The following ZNF860 variants were observed in gnomAD, a reference collection of about 807,000 sequenced individuals.
ZNF860 encodes zinc finger protein 860.
For synonymous variants in ZNF860, 206 were observed against 248.9 expected, an observed-to-expected ratio of 0.83 and a Z score of 1.62; for missense variants, 641 against 759.2, an observed-to-expected ratio of 0.84 and a Z score of 1.83.
In ZNF860 at chr3:31,991,703, C is replaced by A. The variant is rs1437661396; in HGVS notation, c.*725C>A. On this transcript the variant is annotated 3_prime_UTR_variant, in exon 2 of 2. Transcript: ENST00000360311. ...TCTACAAACAAATACAATTTTACTT[C>A]TTTCTTTCTGAAAAAAAAAATGGAT... 1.3e-5 allele frequency: 2 copies of A among 159,786 alleles called. No individual in the cohort carries two copies. The highest frequency in any genetic ancestry group is 2.1e-4 in the South Asian group (1 of 4,802). 9.9% of individuals were successfully genotyped at this position (159,786 alleles called of 1,614,324 possible).
At chr3:32,005,458 C>T in the ZNF860 span, among the ~76,000 whole-genome samples, 3 of 144,724 alleles carry the variant, frequency 2.1e-5, no homozygotes, top group Non-Finnish European at 4.6e-5. Context: ...GAGCAAGTTT[C>T]TCTGGAGCAT....
the ZNF860 span, among the ~76,000 whole-genome samples, chr3:31,997,806 G>C: frequency 6.6e-6 from 1 of 151,964 alleles, no homozygotes; most frequent in Non-Finnish European, 1.5e-5. Context: ...TTCTGAGACA[G>C]GGTCTTACTC....
Position 31,991,713 on chromosome 3 carries a change from GAA to G in ZNF860, c.*744_*745del. Reference sequence around the variant, plus strand: ...AATACAATTTTACTTCTTTCTTTCTGAAAAAAAAAATGGATAACTAATACAGA... The same window carrying G: ...AATACAATTTTACTTCTTTCTTTCTGAAAAAAAATGGATAACTAATACAGA... On this transcript the variant is annotated 3_prime_UTR_variant, in exon 2 of 2. Coordinates refer to ENST00000360311, the MANE Select transcript of ZNF860 (RefSeq NM_001137674.3). The G allele has an allele frequency of 6.6e-6, 1 of 152,432 alleles. No individual in the cohort carries two copies. The allele number at this position is 152,432 out of a possible 1,614,324, so 9.4% of individuals were successfully genotyped here. A position where few individuals can be genotyped will look rare whatever the true frequency, so the allele number is the denominator to read the frequency against.
At chr3:31,997,156 CA>C in the ZNF860 span, among the ~76,000 whole-genome samples, 656 of 152,268 alleles carry the variant, frequency 4.3e-3, 4 homozygotes, top group African/African-American at 0.015. Context: ...TTTTAAAAAG[CA>C]TGCCCGATTT....
intron 1 of ZNF860, among the ~76,000 whole-genome samples, chr3:31,982,174 A>G (rs1364572440): frequency 1.3e-5 from 2 of 152,192 alleles, no homozygotes; most frequent in East Asian, 3.8e-4. Flanking sequence ...GAGGCAAGGG[A>G]AATTAACAGA....
At chr3:31,985,655 G>A (rs1173286792) in intron 1 of ZNF860, among the ~76,000 whole-genome samples, 1 of 152,206 alleles carries the variant, frequency 6.6e-6, no homozygotes, top group Non-Finnish European at 1.5e-5. Context: ...TGACAGGAAT[G>A]AAGCTTGGCC....
At chr3:31,983,008 G>T (rs1698880683) in intron 1 of ZNF860, among the ~76,000 whole-genome samples, 1 of 152,214 alleles carries the variant, frequency 6.6e-6, no homozygotes, top group African/African-American at 2.4e-5. Context: ...CAGGAGAGCA[G>T]CATGTCCCGG....
Position 31,990,267 on chromosome 3 carries a change from A to G in ZNF860, c.1188A>G (p.Lys396=), listed in dbSNP as rs746337103. The G allele has an allele frequency of 6.2e-6, 10 of 1,614,082 alleles. No homozygotes were observed. Among genetic ancestry groups the G allele is most frequent in the South Asian group, 1.1e-5 (1 of 91,072 alleles). Residue 396 remains lysine, a synonymous_variant, in exon 2 of 2, where the codon AAA becomes AAG. Transcript: ENST00000360311. ...IHHQAIHGIG[K]LYKCNDCHKV... is the part of the protein sequence containing the mutation. Reference sequence around the variant, plus strand: ...ATCAAGCAATCCATGGTATAGGGAAACTTTATAAATGTAATGATTGTCACA... The same window carrying G: ...ATCAAGCAATCCATGGTATAGGGAAGCTTTATAAATGTAATGATTGTCACA...
At chr3:32,000,045 G>A in the ZNF860 span, among the ~76,000 whole-genome samples, 1 of 152,142 alleles carries the variant, frequency 6.6e-6, no homozygotes, top group African/African-American at 2.4e-5. Context: ...CAAAAAGTCT[G>A]AGTCTCATGG....
At chr3:31,993,888 CTA>C (rs1699062000), downstream of ZNF860, among the ~76,000 whole-genome samples, 1 of 151,966 alleles carries the variant, frequency 6.6e-6, no homozygotes, top group East Asian at 1.9e-4. Flanking sequence ...TAATGAAAAC[CTA>C]TGTTTGTACA....
Position 31,989,096 on chromosome 3 carries a change from C to T in ZNF860, c.17C>T (p.Ala6Val). 6.2e-7 allele frequency: 1 copy of T among 1,614,020 alleles called. No homozygotes were observed. Among genetic ancestry groups the T allele is most frequent in the Non-Finnish European group, 8.5e-7 (1 of 1,179,918 alleles). MLREE[A>V]AQKRKEKEPG... ...TAAAGACTCATGTTACGTGAGGAAG[C>T]AGCTCAGAAGAGGAAAGAAAAGGAG... Residue 6 changes from alanine to valine, a missense_variant, in exon 2 of 2, where the codon GCA (alanine) becomes GTA (valine). Coordinates refer to ENST00000360311, the MANE Select transcript of ZNF860 (RefSeq NM_001137674.3).
intron 1 of ZNF860, among the ~76,000 whole-genome samples, chr3:31,983,252 A>T (rs1045653068): frequency 6.6e-6 from 1 of 152,232 alleles, no homozygotes; most frequent in African/African-American, 2.4e-5. Context: ...AGGTAGGTGC[A>T]TACTGGACTA....
In ZNF860 at chr3:31,991,480, T is replaced by G. The variant is rs1356634777; in HGVS notation, c.*502T>G. 1 of 167,040 alleles carries G rather than the reference T, an allele frequency of 6.0e-6. No individual in the cohort carries two copies. Among genetic ancestry groups the G allele is most frequent in the Non-Finnish European group, 1.5e-5 (1 of 68,244 alleles). 10.3% of individuals were successfully genotyped at this position (167,040 alleles called of 1,614,324 possible). A position where few individuals can be genotyped will look rare whatever the true frequency, so the allele number is the denominator to read the frequency against. On this transcript the variant is annotated 3_prime_UTR_variant, in exon 2 of 2. Coordinates refer to ENST00000360311, the MANE Select transcript of ZNF860 (RefSeq NM_001137674.3). ...CAAACTTCTCACCTTTTTACGTTTATTCCTAAATATTTCTTACTGTAAGTT... is the reference window on the plus strand; with the variant it reads ...CAAACTTCTCACCTTTTTACGTTTAGTCCTAAATATTTCTTACTGTAAGTT...
At chr3:31,999,014 A>G in the ZNF860 span, among the ~76,000 whole-genome samples, 1 of 152,244 alleles carries the variant, frequency 6.6e-6, no homozygotes, top group Non-Finnish European at 1.5e-5. Context: ...AAAGAGAAAA[A>G]AGGAGGGACA....
chr3:32,004,173 C>T, the ZNF860 span, among the ~76,000 whole-genome samples: 1 of 151,736 alleles, frequency 6.6e-6, no homozygotes, highest in Non-Finnish European at 1.5e-5. Flanking sequence ...ATGTTGGCAC[C>T]CTTTGTTAGA....
At chr3:32,000,937 G>C in the ZNF860 span, among the ~76,000 whole-genome samples, 7 of 152,182 alleles carry the variant, frequency 4.6e-5, no homozygotes, top group African/African-American at 1.7e-4. Context: ...CTGGAATGAA[G>C]AAAAGACTGT....
At chr3:31,993,178 T>C (rs1470095885), downstream of ZNF860, among the ~76,000 whole-genome samples, 148 of 115,156 alleles carry the variant, frequency 1.3e-3, no homozygotes, top group Middle Eastern at 4.2e-3. Flanking sequence ...TTTTATTTTA[T>C]TTTATTTTAT....
At chr3:31,987,110 G>A (rs936251360) in intron 1 of ZNF860, among the ~76,000 whole-genome samples, 7 of 135,104 alleles carry the variant, frequency 5.2e-5, no homozygotes, top group Admixed American at 1.5e-4. Flanking sequence ...ATATATGTAT[G>A]TGTATACACA....
the ZNF860 span, among the ~76,000 whole-genome samples, chr3:32,003,571 C>T: frequency 6.6e-6 from 1 of 152,206 alleles, no homozygotes; most frequent in Non-Finnish European, 1.5e-5. Context: ...TTTCTGAGAA[C>T]TGAATATACC....
Sources: gnomAD v4.1 joint callset for allele counts (sites outside exome capture counted in the v4.1 genomes callset) on GRCh38, gnomAD v4.1.1 for gene constraint, MANE v1.5 for transcripts, NCBI Gene and HGNC (gene_info 2026-07-23, HGNC 2026-07-21) for gene names.